The following PLIN4 variants were observed in gnomAD, a reference collection of about 807,000 sequenced individuals.
PLIN4 encodes the protein perilipin 4.
A neutral mutation model predicts 52.4 loss-of-function variants in PLIN4; 57 were observed. The observed-to-expected ratio is 1.09, with a 90% CI of 0.88 to 1.36. The LOEUF is 1.36. Ranked by LOEUF, PLIN4 falls within the 40% of genes most tolerant of loss-of-function variation. The pLI is 0.00. For synonymous variants in PLIN4, 826 were observed against 785.4 expected, an observed-to-expected ratio of 1.05 and a Z score of -0.86; for missense variants, 1,757 against 1,770.3, an observed-to-expected ratio of 0.99 and a Z score of 0.13.
intron 4 of PLIN4, among the ~76,000 whole-genome samples, chr19:4,515,527 C>T (rs34767500): frequency 0.28 from 42,593 of 151,990 alleles, 7,196 homozygotes; most frequent in Non-Finnish European, 0.37. Flanking sequence ...CCTCAGCCTC[C>T]CAAAGTGTTG....
At position 4,513,573 on chromosome 19, in the gene PLIN4, C is replaced by A. The variant is rs553936423; in HGVS notation, c.387G>T (p.Arg129=). The stretch of plus-strand genomic sequence containing the variant: ...CCTCCTTGGTGCCCGTAAGTGCAGA[C>A]CGAGTGGTGTCCAGGCCTCCCTGGA... The part of the protein sequence containing the change: ...GVVQGGLDTT[R]SALTGTKEVV... Residue 129 remains arginine (R), a synonymous_variant, in exon 5 of 8, where the codon CGG becomes CGT. Transcript: ENST00000301286. 6.2e-7 allele frequency: 1 copy of A among 1,605,838 alleles called. No individual in the cohort carries two copies. Among genetic ancestry groups the A allele is most frequent in the Admixed American group, 1.7e-5 (1 of 58,524 alleles).
intron 4 of PLIN4, among the ~76,000 whole-genome samples, chr19:4,515,731 T>C (rs1181233580): frequency 1.3e-5 from 2 of 152,280 alleles, no homozygotes; most frequent in East Asian, 3.9e-4. Flanking sequence ...GTGCCCAGGA[T>C]GGCCCCACCC....
Position 4,510,532 on chromosome 19 carries a change from G to A in PLIN4, c.3428C>T (p.Pro1143Leu). 1 of 1,489,268 alleles carries A rather than the reference G, an allele frequency of 6.7e-7. No individual in the cohort carries two copies. The highest frequency in any genetic ancestry group is 8.9e-7 in the Non-Finnish European group (1 of 1,119,582). The allele number at this position is 1,489,268 out of a possible 1,614,324, so 92.3% of individuals were successfully genotyped here. Residue 1143 changes from proline (P) to leucine (L), a missense_variant, in exon 5 of 8, where the codon CCC (proline) becomes CTC (leucine). Around this residue, in one of 7 missense-constraint regions of PLIN4, gnomAD observed 712 missense variants for 637.1 expected, o/e 1.12. Transcript: ENST00000301286. ...DTGLLATTHG[P>L]EEAPRLAMLQ... ...CATTGCCAAGCGTGGGGCTTCTTCG[G>A]GGCCGTGTGTGGTGGCCAAAAGCCC...
rs754793086 is a variant in PLIN4, at chr19:4,513,546, C to T, written c.414G>A (p.Val138=). The change falls in exon 5 of 8, where the codon GTG becomes GTA. Residue 138 remains valine, a synonymous_variant. Transcript: ENST00000301286. The part of the protein sequence containing the change: ...TRSALTGTKE[V]VSSGVTGAMD... The stretch of plus-strand genomic sequence containing the variant: ...TGGCCCCTGTGACCCCGCTGGACAC[C>T]ACCTCCTTGGTGCCCGTAAGTGCAG... 43 of 1,608,446 alleles carry T rather than the reference C, an allele frequency of 2.7e-5. No individual in the cohort carries two copies. Among genetic ancestry groups the T allele is most frequent in the Middle Eastern group, 1.6e-4 (1 of 6,066 alleles).
At chr19:4,505,190 A>G (rs952489728) in intron 6 of PLIN4, among the ~76,000 whole-genome samples, 2 of 152,054 alleles carry the variant, frequency 1.3e-5, no homozygotes, top group Non-Finnish European at 2.9e-5. Flanking sequence ...GTCACTCCTC[A>G]CCCCTAAACC....
rs764854682 is a variant in PLIN4 at position 4,504,636 on chromosome 19, A to G, written c.3939T>C (p.Tyr1313=). ...CAGAGCCAGCTGAGGCCACGATGCCATAGAGCTCACAGAGGCTGTGCCGCG... is the reference window on the plus strand; with the variant it reads ...CAGAGCCAGCTGAGGCCACGATGCCGTAGAGCTCACAGAGGCTGTGCCGCG... The part of the protein sequence containing the change: ...GRARHSLCEL[Y]GIVASAGSVE... The change falls in exon 8 of 8, where the codon TAT becomes TAC. Residue 1313 remains tyrosine (Y), a synonymous_variant. Transcript: ENST00000301286. The G allele has an allele frequency of 4.4e-6, 7 of 1,604,204 alleles. No individual in the cohort carries two copies. Among genetic ancestry groups the G allele is most frequent in the Middle Eastern group, 1.6e-4 (1 of 6,076 alleles).
rs760810903 is a variant in PLIN4 at position 4,513,507 on chromosome 19, C to G, written c.453G>C (p.Lys151Asn). 1.2e-5 allele frequency: 19 copies of G among 1,612,716 alleles called. No individual in the cohort carries two copies. Among genetic ancestry groups the G allele is most frequent in the Non-Finnish European group, 1.6e-5 (19 of 1,179,558 alleles). ...SGVTGAMDMA[K>N]GAVQGGLDTS... is the part of the protein sequence containing the mutation. ...TGTCCAGACCCCCTTGGACGGCCCC[C>G]TTAGCCATGTCCATGGCCCCTGTGA... Residue 151 changes from lysine (K) to asparagine (N), a missense_variant, in exon 5 of 8, where the codon AAG becomes AAC. Coordinates refer to ENST00000301286, the MANE Select transcript of PLIN4 (RefSeq NM_001367868.2).
In PLIN4 at chr19:4,513,317, A is replaced by C. The variant is rs186982743; in HGVS notation, c.643T>G (p.Leu215Val). 66 of 1,608,664 alleles carry C rather than the reference A, an allele frequency of 4.1e-5. No homozygotes were observed. The African/African-American group carries it at 7.9e-4, about 19-fold the overall frequency. ...VTTGVMGAVN[L>V]AKGTVQTGVE... ...CCAGTCTGGACAGTCCCTTTGGCCA[A>C]GTTCACTGCCCCCATGACCCCAGTA... The change falls in exon 5 of 8, where the codon TTG (leucine) becomes GTG (valine). Residue 215 changes from leucine (L) to valine (V), a missense_variant. By Grantham distance (32) the Leu-to-Val change is conservative. Around this residue, in one of 7 missense-constraint regions of PLIN4, gnomAD observed 332 missense variants for 310.8 expected, o/e 1.07. Transcript: ENST00000301286.
At position 4,510,798 on chromosome 19, in the gene PLIN4, G is replaced by C. The variant is rs760348407; in HGVS notation, c.3162C>G (p.Asn1054Lys). 1 of 1,604,096 alleles carries C rather than the reference G, an allele frequency of 6.2e-7. No homozygotes were observed. ...AGGTGGCGGGGGTACTAGGTAACCAGTTCTGGAAGGTGCTGAGGCCAGTGT... is the reference window on the plus strand; with the variant it reads ...AGGTGGCGGGGGTACTAGGTAACCACTTCTGGAAGGTGCTGAGGCCAGTGT... The part of the protein sequence containing the change: ...ATHTGLSTFQ[N>K]WLPSTPATSW... Residue 1054 changes from asparagine to lysine, a missense_variant, in exon 5 of 8, where the codon AAC becomes AAG. By Grantham distance (94) the Asn-to-Lys change is moderately conservative. This residue lies in a region of PLIN4 where 712 missense variants were observed against 637.1 expected (regional missense o/e 1.12). Coordinates refer to ENST00000301286, the MANE Select transcript of PLIN4 (RefSeq NM_001367868.2).
intron 5 of PLIN4, among the ~76,000 whole-genome samples, 171 bp from the exon 6 acceptor site, chr19:4,509,126 G>T (rs1046725083): frequency 1.1e-4 from 16 of 151,382 alleles, no homozygotes; most frequent in Non-Finnish European, 1.8e-4. Context: ...TGGCTAACAC[G>T]GTGAAACCCC....
rs199548053 is a variant in PLIN4 at position 4,504,434 on chromosome 19, G to A, written c.*25C>T. ...TCCCTGGACAGAGCAGGGCGACCCC[G>A]CGCCGGGCCTGCAGGCTCCTACAGC... is the stretch of plus-strand genomic sequence containing the variant. On this transcript the variant is annotated 3_prime_UTR_variant, in exon 8 of 8. Coordinates refer to ENST00000301286, the MANE Select transcript of PLIN4 (RefSeq NM_001367868.2). 1.1e-4 allele frequency: 167 copies of A among 1,512,212 alleles called. No homozygotes were observed. In the African/African-American group the frequency reaches 1.8e-3, roughly 16 times the overall value. The allele number at this position is 1,512,212 out of a possible 1,614,324, so 93.7% of individuals were successfully genotyped here.
intron 2 of PLIN4, among the ~76,000 whole-genome samples, chr19:4,517,952 C>A (rs903047015): frequency 2.0e-5 from 3 of 152,226 alleles, no homozygotes; most frequent in African/African-American, 7.2e-5. Flanking sequence ...CCCCACTGCA[C>A]AGATGGGGAA....
chr19:4,518,332 C>T lies in PLIN4; in HGVS notation c.-17-43G>A, dbSNP rs886202382. The T allele has an allele frequency of 3.2e-6, 4 of 1,231,370 alleles. No individual in the cohort carries two copies. In the African/African-American group the frequency reaches 4.7e-5, roughly 14 times the overall value. 76.3% of individuals were successfully genotyped at this position (1,231,370 alleles called of 1,614,324 possible). A position where few individuals can be genotyped will look rare whatever the true frequency, so the allele number is the denominator to read the frequency against. On this transcript the variant is annotated intron_variant, in intron 1 of 7. Transcript: ENST00000301286. ...AGGTGCGTGAATGGGGGTTCCCTAG[C>T]CTCCCATCCCACACCCACTCCCCAC...
rs770851721 is a variant in PLIN4, at chr19:4,504,589, C to T, written c.3986G>A (p.Arg1329Gln). Residue 1329 changes from arginine to glutamine, a missense_variant, in exon 8 of 8, where the codon CGG becomes CAG. Coordinates refer to ENST00000301286, the MANE Select transcript of PLIN4 (RefSeq NM_001367868.2). ...CACACCCTCGCGGCTCTGCACCAGCCGCTCTGCGGGCAGCTCCTCTACAGA... is the reference window on the plus strand; with the variant it reads ...CACACCCTCGCGGCTCTGCACCAGCTGCTCTGCGGGCAGCTCCTCTACAGA... The part of the protein sequence containing the change: ...AGSVEELPAE[R>Q]LVQSREGVHQ... The T allele has an allele frequency of 1.6e-5, 26 of 1,604,156 alleles. No individual in the cohort carries two copies. Among genetic ancestry groups the T allele is most frequent in the East Asian group, 1.1e-4 (5 of 44,614 alleles).
intron 5 of PLIN4, 139 bp from the exon 6 acceptor site, chr19:4,509,094 G>T: frequency 2.7e-6 from 2 of 745,200 alleles, no homozygotes; most frequent in Admixed American, 3.0e-5. Flanking sequence ...CAGATCACGA[G>T]GTCAGGAGAT....
At chr19:4,516,789 G>T (rs1976594985) in intron 3 of PLIN4, 111 bp from the exon 4 acceptor site, 7 of 1,124,010 alleles carry the variant, frequency 6.2e-6, no homozygotes, top group Middle Eastern at 2.0e-4. Flanking sequence ...GAATGTTTCA[G>T]CTACCCCGCC....
chr19:4,508,571 C>G (rs544923519), intron 6 of PLIN4, among the ~76,000 whole-genome samples, 197 bp downstream of exon 6: 1 of 152,202 alleles, frequency 6.6e-6, no homozygotes, highest in Non-Finnish European at 1.5e-5. Flanking sequence ...CCAGCCTACC[C>G]GCTGTCTTTA....
At chr19:4,510,012 C>G (rs1368990777) in intron 5 of PLIN4, among the ~76,000 whole-genome samples, 1 of 151,592 alleles carries the variant, frequency 6.6e-6, no homozygotes, top group Non-Finnish European at 1.5e-5. Context: ...TTGAGACCAG[C>G]CTGGGCAACA....
rs759916185 is a variant in PLIN4, at chr19:4,504,753, G to A, written c.3822C>T (p.Cys1274=). The A allele has an allele frequency of 2.0e-5, 32 of 1,599,946 alleles. No individual in the cohort carries two copies. Among genetic ancestry groups the A allele is most frequent in the South Asian group, 5.5e-5 (5 of 90,496 alleles). The change falls in exon 8 of 8, where the codon TGC becomes TGT. Residue 1274 remains cysteine (C), a synonymous_variant. Transcript: ENST00000301286. ...CCGTGTGCAGCTGCCGGAGAAGGCCGCAGACCCTGGACAGAACCCCGGCAT... is the reference window on the plus strand; with the variant it reads ...CCGTGTGCAGCTGCCGGAGAAGGCCACAGACCCTGGACAGAACCCCGGCAT... ...ERDAGVLSRV[C]GLLRQLHTAY... is the part of the protein sequence containing the mutation.
Sources: gnomAD v4.1 joint callset for allele counts (sites outside exome capture counted in the v4.1 genomes callset) on GRCh38, gnomAD v4.1.1 for gene constraint, gnomAD v4.1.1 regional missense constraint, MANE v1.5 for transcripts, NCBI Gene and HGNC (gene_info 2026-07-23, HGNC 2026-07-21) for gene names.